SPRYD3: variants seen among roughly 807,000 people sequenced by gnomAD.
The protein encoded by SPRYD3 is SPRY domain-containing protein 3.
SPRYD3 carries 17 observed loss-of-function variants against 50.1 expected under a neutral mutation model. The observed-to-expected ratio is 0.34, with a 90% confidence interval of 0.23 to 0.51. The LOEUF (loss-of-function observed/expected upper bound fraction) is 0.51. Among genes scored for constraint, SPRYD3 ranks in the 20% least tolerant of loss-of-function variants. The pLI is 0.97. For missense variants in SPRYD3, 401 were observed against 591.2 expected, an observed-to-expected ratio of 0.68 and a Z score of 3.34; for synonymous variants, 198 against 215.5, an observed-to-expected ratio of 0.92 and a Z score of 0.71.
Position 53,066,374 on chromosome 12 carries a change from T to C in SPRYD3, c.1134A>G (p.Glu378=), listed in dbSNP as rs150787710. The C allele has an allele frequency of 6.7e-5, 108 of 1,613,628 alleles. No homozygotes were observed. In the African/African-American group the frequency reaches 1.2e-3, roughly 18 times the overall value. The part of the protein sequence containing the change: ...LHQEGEEEEE[E]EEEEEDGEEI... Reference sequence around the variant, plus strand: ...CTTCCCCATCCTCTTCCTCTTCCTCTTCCTCCTCTTCCTCTTCCCCTTCCT... The same window carrying C: ...CTTCCCCATCCTCTTCCTCTTCCTCCTCCTCCTCTTCCTCTTCCCCTTCCT... Residue 378 remains glutamate, a synonymous_variant, in exon 10 of 11, where the codon GAA becomes GAG. Coordinates refer to ENST00000301463, the MANE Select transcript of SPRYD3 (RefSeq NM_032840.3).
intron 1 of SPRYD3, among the ~76,000 whole-genome samples, chr12:53,077,764 G>C (rs534923043): frequency 5.3e-5 from 8 of 152,200 alleles, no homozygotes; most frequent in Non-Finnish European, 1.0e-4. Context: ...TGGTATATAG[G>C]GAATGTGAGG....
At chr12:53,077,765 G>A (rs138221571) in intron 1 of SPRYD3, among the ~76,000 whole-genome samples, 1 of 152,340 alleles carries the variant, frequency 6.6e-6, no homozygotes, top group East Asian at 1.9e-4. Flanking sequence ...GGTATATAGG[G>A]AATGTGAGGG....
chr12:53,076,755 C>T (rs981912126), intron 2 of SPRYD3, among the ~76,000 whole-genome samples: 1 of 152,148 alleles, frequency 6.6e-6, no homozygotes, highest in Non-Finnish European at 1.5e-5. Flanking sequence ...CAAGACCTGC[C>T]TGGCCAACAT....
At chr12:53,073,256 G>GA in intron 6 of SPRYD3, 30 bp downstream of exon 6, 1 of 424,134 alleles carries the variant, frequency 2.4e-6, no homozygotes, top group South Asian at 4.4e-5. Context: ...CTCCGACCCA[G>GA]CCCCTCCCAC....
At chr12:53,078,116 C>T in intron 1 of SPRYD3, 1 of 454,738 alleles carries the variant, frequency 2.2e-6, no homozygotes, top group East Asian at 7.0e-5. Context: ...CAGGTCAAGG[C>T]TGCAGTCAGT....
Position 53,076,822 on chromosome 12 carries a change from G to A in SPRYD3, c.170+293C>T, listed in dbSNP as rs373873339. On this transcript the variant is annotated intron_variant, in intron 2 of 10. Coordinates refer to ENST00000301463, the MANE Select transcript of SPRYD3 (RefSeq NM_032840.3). ...AAATCAGCCGTATGTGGTGGTGCAC[G>A]CCTGTAATCCCAGCTACTTGGGAAG... 1.6e-4 allele frequency among the ~76,000 whole-genome samples: 24 copies of A among 152,216 alleles called. No homozygotes were observed. The South Asian group carries it at 2.7e-3, about 17-fold the overall frequency.
chr12:53,068,115 A>G, intron 7 of SPRYD3, 40 bp downstream of exon 7: 4 of 1,612,974 alleles, frequency 2.5e-6, no homozygotes, highest in Non-Finnish European at 3.4e-6. Flanking sequence ...CCCAGACCTG[A>G]GCAGCTCCAT....
At chr12:53,075,016 G>C in intron 4 of SPRYD3, 79 bp downstream of exon 4, 1 of 1,573,442 alleles carries the variant, frequency 6.4e-7, no homozygotes, top group Non-Finnish European at 8.7e-7. Context: ...AATGGGAAAA[G>C]CCAGCCCAAG....
intron 6 of SPRYD3, 25 bp downstream of exon 6, chr12:53,073,261 T>A: frequency 1.8e-5 from 2 of 108,968 alleles, no homozygotes; most frequent in South Asian, 9.5e-5. Context: ...ACCCAGCCCC[T>A]CCCACCCTCC....
Position 53,076,685 on chromosome 12 carries a change from G to A in SPRYD3, c.170+430C>T, listed in dbSNP as rs1182069943. Among the ~76,000 whole-genome samples, 5 of 152,194 alleles carry A rather than the reference G, an allele frequency of 3.3e-5. No homozygotes were observed. The South Asian group carries it at 6.2e-4, about 19-fold the overall frequency. On this transcript the variant is annotated intron_variant, in intron 2 of 10. Coordinates refer to ENST00000301463, the MANE Select transcript of SPRYD3 (RefSeq NM_032840.3). ...GCAGAGGTGAGTGCAGGGTGAAGCA[G>A]CACACACTGCTCCACTCAGAAAGGC...
intron 1 of SPRYD3, 146 bp downstream of exon 1, chr12:53,079,165 G>A (rs975404462): frequency 7.0e-6 from 6 of 853,780 alleles, no homozygotes; most frequent in South Asian, 1.6e-5. Flanking sequence ...GCACTGGGCC[G>A]AGGGTGCAGC....
chr12:53,075,694 C>A (rs143694003), intron 3 of SPRYD3, 42 bp downstream of exon 3: 11 of 1,507,484 alleles, frequency 7.3e-6, no homozygotes, highest in African/African-American at 1.4e-5. Flanking sequence ...GATCTCACCC[C>A]CAAGCTCACC....
intron 6 of SPRYD3, 31 bp downstream of exon 6, chr12:53,073,255 A>AGCCCCCGGGGGGGGGGGGGGG: frequency 1.0e-5 from 4 of 383,664 alleles, no homozygotes; most frequent in Non-Finnish European, 2.0e-5. Flanking sequence ...CCTCCGACCC[A>AGCCCCCGGGGGGGGGGGGGGG]GCCCCTCCCA....
At chr12:53,075,362 A>C in intron 3 of SPRYD3, 143 bp from the exon 4 acceptor site, 1 of 820,368 alleles carries the variant, frequency 1.2e-6, no homozygotes, top group Non-Finnish European at 1.9e-6. Flanking sequence ...AAGATAAGAT[A>C]CTCAGAGGGG....
intron 1 of SPRYD3, among the ~76,000 whole-genome samples, chr12:53,077,500 G>C (rs1395424476): frequency 6.6e-6 from 1 of 152,262 alleles, no homozygotes; most frequent in Non-Finnish European, 1.5e-5. Context: ...CATTCTCACA[G>C]GCTGGGAGGT....
intron 1 of SPRYD3, chr12:53,077,951 C>G (rs2121211333): frequency 3.6e-6 from 1 of 279,668 alleles, no homozygotes; most frequent in Middle Eastern, 1.4e-3. Context: ...CCTTGGGAGG[C>G]TGAGGCAGGA....
Position 53,074,767 on chromosome 12 carries a change from G to C in SPRYD3, c.389C>G (p.Ala130Gly). 1 of 1,614,222 alleles carries C rather than the reference G, an allele frequency of 6.2e-7. No homozygotes were observed. Among genetic ancestry groups the C allele is most frequent in the Non-Finnish European group, 8.5e-7 (1 of 1,180,044 alleles). ...CTTTGACCCAAACTGGCGGCCCTTG[G>C]CTCGGCCATTGTACAGCCTACAGAC... ...ADDGKLYNGRAKGRQFGSKCN... is the reference protein window; with the variant it reads ...ADDGKLYNGRGKGRQFGSKCN... Residue 130 changes from alanine to glycine, a missense_variant, in exon 5 of 11, where the codon GCC (alanine) becomes GGC (glycine). Coordinates refer to ENST00000301463, the MANE Select transcript of SPRYD3 (RefSeq NM_032840.3). This position sits in a 1 kb window ranked among gnomAD's most constrained non-coding sequence, Gnocchi z 4.6.
Position 53,074,915 on chromosome 12 carries a change from G to A in SPRYD3, c.372-131C>T, listed in dbSNP as rs368962734. On this transcript the variant is annotated intron_variant, in intron 4 of 10. Coordinates refer to ENST00000301463, the MANE Select transcript of SPRYD3 (RefSeq NM_032840.3). The surrounding 1 kb of genome is among the most constrained non-coding windows in gnomAD (Gnocchi z 4.6). ...TGTGATGGTACCCACTTACGTCCTGGCGTGAGCATCACCCTCCTCTAGTCT... is the reference window on the plus strand; with the variant it reads ...TGTGATGGTACCCACTTACGTCCTGACGTGAGCATCACCCTCCTCTAGTCT... 1 of 1,364,722 alleles carries A rather than the reference G, an allele frequency of 7.3e-7. No homozygotes were observed. 84.5% of individuals were successfully genotyped at this position (1,364,722 alleles called of 1,614,324 possible).
In SPRYD3 at chr12:53,066,503, C is replaced by T; in HGVS notation, c.1022-17G>A. The stretch of plus-strand genomic sequence containing the variant: ...CACTGTCCCCTAGGAGACCAGGAAA[C>T]CTGAGCTCCTGTGGTGCCTTTCCAC... On this transcript the variant is annotated splice_polypyrimidine_tract_variant and intron_variant, in intron 9 of 10. Coordinates refer to ENST00000301463, the MANE Select transcript of SPRYD3 (RefSeq NM_032840.3). 1 of 1,614,108 alleles carries T rather than the reference C, an allele frequency of 6.2e-7. No individual in the cohort carries two copies. Among genetic ancestry groups the T allele is most frequent in the Non-Finnish European group, 8.5e-7 (1 of 1,179,978 alleles).
Sources: gnomAD v4.1 joint callset for allele counts (sites outside exome capture counted in the v4.1 genomes callset) on GRCh38, gnomAD v4.1.1 for gene constraint, Gnocchi (gnomAD v3.1) non-coding constraint, MANE v1.5 for transcripts, NCBI Gene and HGNC (gene_info 2026-07-23, HGNC 2026-07-21) for gene names.